HS6ST3: variants seen among roughly 807,000 people sequenced by gnomAD.
HS6ST3 encodes the protein heparan-sulfate 6-O-sulfotransferase 3.
HS6ST3 carries 12 observed loss-of-function variants against 36.7 expected under a neutral mutation model. The ratio of observed to expected loss-of-function variants is 0.33; its 90% confidence interval spans 0.21 to 0.53. The LOEUF is 0.53. Ranked by LOEUF, HS6ST3 falls within the 20% of genes least tolerant of loss-of-function variation. The probability of loss-of-function intolerance (pLI) is 0.95; values close to 1 mark genes in which losing one functional copy is unlikely to be tolerated. For synonymous variants in HS6ST3, 240 were observed against 257.5 expected (o/e 0.93, Z 0.65); for missense variants, 584 against 640.9 (o/e 0.91, Z 0.96).
intron 1 of HS6ST3, among the ~76,000 whole-genome samples, chr13:96,542,250 A>G (rs908408927): frequency 6.6e-6 from 1 of 152,200 alleles, no homozygotes; most frequent in Non-Finnish European, 1.5e-5. Context: ...CATTACCCAT[A>G]GATAGAGTTT....
intron 1 of HS6ST3, among the ~76,000 whole-genome samples, chr13:96,494,502 C>T (rs906862477): frequency 6.6e-6 from 1 of 151,242 alleles, no homozygotes; most frequent in Non-Finnish European, 1.5e-5. Context: ...TGTAACTAAC[C>T]TGCACGTTGT....
chr13:96,114,250 C>T (rs1333049702), intron 1 of HS6ST3, among the ~76,000 whole-genome samples: 2 of 152,012 alleles, frequency 1.3e-5, no homozygotes, highest in Admixed American at 6.6e-5. Context: ...CTCCTGGGCC[C>T]AAGTGATCCT....
intron 1 of HS6ST3, among the ~76,000 whole-genome samples, chr13:96,593,350 A>AT (rs556750562): frequency 1.2e-3 from 180 of 144,944 alleles, no homozygotes; most frequent in Non-Finnish European, 2.1e-3. Flanking sequence ...CGCCCAGCTA[A>AT]TTTTTTTTTT....
intron 1 of HS6ST3, among the ~76,000 whole-genome samples, chr13:96,756,365 A>G (rs557414833): frequency 4.6e-5 from 7 of 152,254 alleles, no homozygotes; most frequent in African/African-American, 1.7e-4. Flanking sequence ...TTTAATTTAG[A>G]TGAAATTGAA....
At chr13:96,408,139 C>T (rs1035822978) in intron 1 of HS6ST3, among the ~76,000 whole-genome samples, 1 of 152,094 alleles carries the variant, frequency 6.6e-6, no homozygotes, top group Non-Finnish European at 1.5e-5. Flanking sequence ...GGGGTTTCAT[C>T]ATGTTGGCCA....
chr13:96,359,170 G>A lies in HS6ST3; in HGVS notation c.707+267601G>A, dbSNP rs908405421. Among the ~76,000 whole-genome samples, 47 of 152,156 alleles carry A rather than the reference G, an allele frequency of 3.1e-4. 1 individual carries two copies. Among genetic ancestry groups the A allele is most frequent in the African/African-American group, 1.0e-3 (43 of 41,524 alleles). ...AGGGTGCTTGGGAAAGGCCTAACTCGGCAAGATGAGTGGGGTTCTCATTCT... is the reference window on the plus strand; with the variant it reads ...AGGGTGCTTGGGAAAGGCCTAACTCAGCAAGATGAGTGGGGTTCTCATTCT... On this transcript the variant is annotated intron_variant, in intron 1 of 1. Transcript: ENST00000376705.
intron 1 of HS6ST3, among the ~76,000 whole-genome samples, chr13:96,509,329 G>T (rs2056039531): frequency 6.6e-6 from 1 of 151,720 alleles, no homozygotes; most frequent in Admixed American, 6.6e-5. Flanking sequence ...TATTTCTTTT[G>T]CTCTATGGAA....
At chr13:96,677,936 T>A (rs1432886183) in intron 1 of HS6ST3, among the ~76,000 whole-genome samples, 1 of 152,182 alleles carries the variant, frequency 6.6e-6, no homozygotes, top group Non-Finnish European at 1.5e-5. Flanking sequence ...ATACCATTTT[T>A]AATATGCATG....
At chr13:96,556,387 C>G (rs893811810) in intron 1 of HS6ST3, among the ~76,000 whole-genome samples, 1 of 152,150 alleles carries the variant, frequency 6.6e-6, no homozygotes, top group African/African-American at 2.4e-5. Flanking sequence ...TAGTATATAA[C>G]TAGGTCATTT....
At chr13:96,587,531 T>C (rs1361002601) in intron 1 of HS6ST3, among the ~76,000 whole-genome samples, 23 of 152,210 alleles carry the variant, frequency 1.5e-4, no homozygotes, top group Admixed American at 1.5e-3. Flanking sequence ...GGCTTCAAAC[T>C]GCATCATTAC....
intron 1 of HS6ST3, among the ~76,000 whole-genome samples, chr13:96,828,382 C>A (rs910551827): frequency 1.3e-5 from 2 of 152,104 alleles, no homozygotes; most frequent in Non-Finnish European, 2.9e-5. Context: ...CCTTACATTT[C>A]TCATTTTTTA....
Position 96,473,722 on chromosome 13 carries a change from G to A in HS6ST3, c.708-358768G>A, listed in dbSNP as rs887228745. Among the ~76,000 whole-genome samples, 3 of 152,256 alleles carry A rather than the reference G, an allele frequency of 2.0e-5. No individual in the cohort carries two copies. The East Asian group carries it at 5.8e-4, about 29-fold the overall frequency. ...GTAAAATGAGATGCCTTTGGAATAGGAAGGTCGAGTCGGGAAAAGGGTAGG... is the reference window on the plus strand; with the variant it reads ...GTAAAATGAGATGCCTTTGGAATAGAAAGGTCGAGTCGGGAAAAGGGTAGG... On this transcript the variant is annotated intron_variant, in intron 1 of 1. Coordinates refer to ENST00000376705, the MANE Select transcript of HS6ST3 (RefSeq NM_153456.4).
chr13:96,195,823 A>C (rs891891878), intron 1 of HS6ST3, among the ~76,000 whole-genome samples: 1 of 152,148 alleles, frequency 6.6e-6, no homozygotes, highest in African/African-American at 2.4e-5. Flanking sequence ...TGTTTGCCAA[A>C]CCGGGATATT....
intron 1 of HS6ST3, among the ~76,000 whole-genome samples, chr13:96,107,748 T>C (rs1226850762): frequency 6.6e-6 from 1 of 152,220 alleles, no homozygotes; most frequent in Non-Finnish European, 1.5e-5. Context: ...ACATTTATAA[T>C]TTCTTACGCC....
At chr13:96,227,977 G>A (rs1051792200) in intron 1 of HS6ST3, among the ~76,000 whole-genome samples, 3 of 152,112 alleles carry the variant, frequency 2.0e-5, no homozygotes, top group African/African-American at 4.8e-5. Context: ...AAATTCATGG[G>A]AATAGGAGAG....
intron 1 of HS6ST3, among the ~76,000 whole-genome samples, chr13:96,575,110 T>G (rs1187239448): frequency 6.6e-6 from 1 of 152,180 alleles, no homozygotes. Flanking sequence ...AGAAGCCTTT[T>G]GGATGGAGTT....
At chr13:96,415,326 C>T (rs964055496) in intron 1 of HS6ST3, among the ~76,000 whole-genome samples, 1 of 152,132 alleles carries the variant, frequency 6.6e-6, no homozygotes, top group Non-Finnish European at 1.5e-5. Context: ...ATGAGAAGCC[C>T]CAAGTCGTGC....
At chr13:96,404,614 C>G (rs528333751) in intron 1 of HS6ST3, among the ~76,000 whole-genome samples, 8 of 152,278 alleles carry the variant, frequency 5.3e-5, no homozygotes, top group Middle Eastern at 3.4e-3. Context: ...AAGGAAAAGT[C>G]TGGGAGTTGT....
At chr13:96,425,096 G>A (rs1390539218) in intron 1 of HS6ST3, among the ~76,000 whole-genome samples, 1 of 152,134 alleles carries the variant, frequency 6.6e-6, no homozygotes, top group Non-Finnish European at 1.5e-5. Context: ...ACCTACCTGG[G>A]TGAGAGCCCA....
Sources: allele counts gnomAD v4.1 joint callset (sites outside exome capture counted in the v4.1 genomes callset), GRCh38; gene constraint gnomAD v4.1.1; transcripts MANE v1.5; gene names NCBI Gene and HGNC (gene_info 2026-07-23, HGNC 2026-07-21).